TBC1D8B: variants seen among roughly 807,000 people sequenced by gnomAD.
The protein encoded by TBC1D8B is RP11-321G1.1.
Under a neutral mutation model 82.9 loss-of-function variants are expected in TBC1D8B, and 75 were observed. That is an observed-to-expected ratio of 0.90 (90% confidence interval 0.75 to 1.10). The LOEUF is 1.10. Among genes scored for constraint, TBC1D8B ranks in the 50% least tolerant of loss-of-function variants. The probability of loss-of-function intolerance (pLI) is 0.00; values close to 1 mark genes in which losing one functional copy is unlikely to be tolerated. For synonymous variants in TBC1D8B, 276 were observed against 276.8 expected (o/e 1.00, Z 0.03); for missense variants, 794 against 796.9 (o/e 1.00, Z 0.04).
intron 3 of TBC1D8B, among the ~76,000 whole-genome samples, chrX:106,821,766 G>A (rs778652833): frequency 1.8e-5 from 2 of 111,287 alleles, no homozygotes; most frequent in Non-Finnish European, 3.8e-5. Flanking sequence ...CATAGTCTTC[G>A]GTGCATGGCA....
chrX:106,838,438 T>C (rs1932228378), intron 7 of TBC1D8B, among the ~76,000 whole-genome samples: 1 of 111,753 alleles, frequency 8.9e-6, no homozygotes, highest in Admixed American at 9.5e-5. Flanking sequence ...TATGTCAAAC[T>C]TCAGGCAATT....
At chrX:106,827,443 G>A in intron 7 of TBC1D8B, 106 bp downstream of exon 7, 2 of 891,849 alleles carry the variant, frequency 2.2e-6, no homozygotes, top group Admixed American at 6.3e-5. Flanking sequence ...TATGCCCAGG[G>A]GTTTTTTTTA....
At chrX:106,805,786 A>G (rs1271959415) in intron 1 of TBC1D8B, among the ~76,000 whole-genome samples, 1 of 112,344 alleles carries the variant, frequency 8.9e-6, no homozygotes, top group Non-Finnish European at 1.9e-5. Flanking sequence ...AAAATCATGA[A>G]GCCAAAAGCT....
intron 7 of TBC1D8B, among the ~76,000 whole-genome samples, chrX:106,836,500 C>A (rs1470413804): frequency 9.0e-6 from 1 of 111,371 alleles, no homozygotes; most frequent in African/African-American, 3.3e-5. Flanking sequence ...TTTCCTCTGC[C>A]TCAGTCATGG....
Position 106,820,871 on chromosome X carries a change from A to G in TBC1D8B, c.242-6A>G. ...AAGTGTTTTATTTTCTTGTGTTATT[A>G]ATCAGGAGCCAACAGAGAAGAAATA... On this transcript the variant is annotated splice_region_variant and splice_polypyrimidine_tract_variant and intron_variant, in intron 2 of 20. Coordinates refer to ENST00000357242, the MANE Select transcript of TBC1D8B (RefSeq NM_017752.3). The G allele has an allele frequency of 8.8e-7, 1 of 1,139,702 alleles. No individual in the cohort carries two copies. The highest frequency in any genetic ancestry group is 1.2e-6 in the Non-Finnish European group (1 of 844,679). The allele number at this position is 1,139,702 out of a possible 1,213,427, so 93.9% of individuals were successfully genotyped here.
chrX:106,865,905 C>A lies in TBC1D8B; in HGVS notation c.2534C>A (p.Ala845Glu). 8.3e-7 allele frequency: 1 copy of A among 1,211,111 alleles called. No individual in the cohort carries two copies. The highest frequency in any genetic ancestry group is 1.1e-6 in the Non-Finnish European group (1 of 895,233). Residue 845 changes from alanine to glutamate, a missense_variant, in exon 16 of 21, where the codon GCG (alanine) becomes GAG (glutamate). Ala to Glu is a moderately radical substitution (Grantham distance 107, BLOSUM62 -1). Coordinates refer to ENST00000357242, the MANE Select transcript of TBC1D8B (RefSeq NM_017752.3). The part of the protein sequence containing the change: ...QYQIDCQQFR[A>E]LYHLLSPWAH... ...CAGATTGACTGCCAGCAGTTCAGAG[C>A]GTTGTATCACTTGTTGAGTCCCTGG... is the stretch of plus-strand genomic sequence containing the variant.
chrX:106,849,159 A>G (rs1453594844), intron 11 of TBC1D8B: 3 of 857,526 alleles, frequency 3.5e-6, no homozygotes, highest in African/African-American at 2.1e-5. Context: ...GTACCGTAAT[A>G]GGCTTTCAGG....
intron 12 of TBC1D8B, among the ~76,000 whole-genome samples, chrX:106,850,682 T>G (rs1932567542): frequency 8.9e-6 from 1 of 112,007 alleles, no homozygotes; most frequent in Non-Finnish European, 1.9e-5. Flanking sequence ...GGTTTCTATG[T>G]GGTTTCAGGT....
chrX:106,805,743 T>G (rs1032828913), intron 1 of TBC1D8B, among the ~76,000 whole-genome samples: 1 of 112,093 alleles, frequency 8.9e-6, no homozygotes, highest in Non-Finnish European at 1.9e-5. Context: ...GTGTGCTGAT[T>G]TTCCTAGCTG....
intron 13 of TBC1D8B, 75 bp from the exon 14 acceptor site, chrX:106,854,123 G>A: frequency 1.4e-6 from 1 of 731,167 alleles, no homozygotes; most frequent in Non-Finnish European, 1.9e-6. Context: ...AATTCAGTCT[G>A]ATAAAACTGA....
chrX:106,828,063 AAGAG>A (rs1327203810), intron 7 of TBC1D8B: 2 of 111,823 alleles, frequency 1.8e-5, no homozygotes, highest in Non-Finnish European at 3.8e-5. Flanking sequence ...TAAAGAAAAA[AAGAG>A]AGAAGAATCA....
intron 14 of TBC1D8B, among the ~76,000 whole-genome samples, chrX:106,862,695 T>C (rs1045608922): frequency 5.5e-5 from 6 of 109,814 alleles, no homozygotes; most frequent in Non-Finnish European, 1.1e-4. Flanking sequence ...GCCAGAGTTC[T>C]TGTGCTGGTT....
Position 106,865,927 on chromosome X carries a change from C to T in TBC1D8B, c.2556C>T (p.Pro852=). 1 of 1,210,619 alleles carries T rather than the reference C, an allele frequency of 8.3e-7. No individual in the cohort carries two copies. Among genetic ancestry groups the T allele is most frequent in the Non-Finnish European group, 1.1e-6 (1 of 894,915 alleles). Residue 852 remains proline, a synonymous_variant, in exon 16 of 21, where the codon CCC becomes CCT. Coordinates refer to ENST00000357242, the MANE Select transcript of TBC1D8B (RefSeq NM_017752.3). ...GAGCGTTGTATCACTTGTTGAGTCC[C>T]TGGGCTCATTCTGCAAATAAAGACT... ...QFRALYHLLS[P]WAHSANKDSL...
chrX:106,826,624 A>G (rs1701028117), intron 6 of TBC1D8B, among the ~76,000 whole-genome samples: 1 of 83,211 alleles, frequency 1.2e-5, no homozygotes, highest in Non-Finnish European at 2.2e-5. Flanking sequence ...TCCTGTGTCC[A>G]TGTGTTCTCA....
intron 14 of TBC1D8B, among the ~76,000 whole-genome samples, chrX:106,861,019 G>A (rs1010149092): frequency 1.2e-4 from 13 of 111,355 alleles, no homozygotes; most frequent in Admixed American, 1.2e-3. Context: ...TAATTTTTAT[G>A]TGATTATATG....
chrX:106,872,607 A>C (rs1186219231), intron 20 of TBC1D8B, among the ~76,000 whole-genome samples: 1 of 108,213 alleles, frequency 9.2e-6, no homozygotes, highest in Non-Finnish European at 1.9e-5. Context: ...CATAATTTTA[A>C]CTATATTTCT....
At chrX:106,840,020 A>T (rs1257132655) in intron 8 of TBC1D8B, 28 bp from the exon 9 acceptor site, 1 of 1,164,037 alleles carries the variant, frequency 8.6e-7, no homozygotes, top group Admixed American at 2.5e-5. Flanking sequence ...CACTAAATTT[A>T]GTTGTTTTGA....
At chrX:106,866,890 T>A (rs761113784) in intron 17 of TBC1D8B, 28 bp downstream of exon 17, 23 of 1,048,902 alleles carry the variant, frequency 2.2e-5, no homozygotes, top group Non-Finnish European at 2.6e-5. Context: ...TTTAACGATG[T>A]ACAGCAGGAA....
intron 1 of TBC1D8B, among the ~76,000 whole-genome samples, chrX:106,807,682 G>A (rs2089293999): frequency 9.0e-6 from 1 of 110,956 alleles, no homozygotes; most frequent in Admixed American, 9.6e-5. Context: ...AGAACGAAAT[G>A]TTCCAGGGAG....
Sources: allele counts gnomAD v4.1 joint callset (sites outside exome capture counted in the v4.1 genomes callset), GRCh38; gene constraint gnomAD v4.1.1; transcripts MANE v1.5; gene names NCBI Gene and HGNC (gene_info 2026-07-23, HGNC 2026-07-21).